Variants in ZNF831 observed in about 807,000 individuals in gnomAD.
ZNF831 encodes the protein chromosome 20 open reading frame 174.
ZNF831 carries 59 observed loss-of-function variants against 95.8 expected under a neutral mutation model. The ratio of observed to expected loss-of-function variants is 0.62; its 90% CI spans 0.50 to 0.77. The LOEUF (loss-of-function observed/expected upper bound fraction) is 0.77, where lower values mean the gene tolerates loss of function less well. ZNF831 is among the 30% of genes least tolerant of loss of function. ZNF831 has a pLI of 0.00. For synonymous variants in ZNF831, 961 were observed against 925.5 expected (o/e 1.04, Z -0.70); for missense variants, 2,205 against 2,164.0 (o/e 1.02, Z -0.38).
intron 1 of ZNF831, among the ~76,000 whole-genome samples, chr20:59,138,651 T>C (rs1226289776): frequency 6.6e-6 from 1 of 152,232 alleles, no homozygotes; most frequent in Admixed American, 6.5e-5. Context: ...ACACGTGCCA[T>C]TTCTGGGCAA....
At chr20:59,174,104 T>C (rs754766998) in intron 1 of ZNF831, among the ~76,000 whole-genome samples, 74 of 152,220 alleles carry the variant, frequency 4.9e-4, no homozygotes, top group Non-Finnish European at 9.4e-4. Context: ...GGCATGCATC[T>C]GGGAGCCTGG....
At chr20:59,172,535 C>T (rs545866056) in intron 1 of ZNF831, among the ~76,000 whole-genome samples, 2 of 152,212 alleles carry the variant, frequency 1.3e-5, no homozygotes, top group East Asian at 1.9e-4. Flanking sequence ...TGAGGCATGC[C>T]GCTGGGAGAG....
At chr20:59,164,978 G>A (rs1268097527) in intron 1 of ZNF831, among the ~76,000 whole-genome samples, 2 of 152,202 alleles carry the variant, frequency 1.3e-5, no homozygotes, top group Non-Finnish European at 2.9e-5. Flanking sequence ...ATCAACGTCA[G>A]GGCCAGTTTA....
rs191995530 is a variant in ZNF831, at chr20:59,207,705, A to T, written c.4027+649A>T. On this transcript the variant is annotated intron_variant, in intron 4 of 5. Coordinates refer to ENST00000371030, the MANE Select transcript of ZNF831 (RefSeq NM_178457.3). ...TCTTCCTTTCTCCCCTCTCCCCAGC[A>T]TTAAGGAGCTCAGCCTTAGCCTTGC... Among the ~76,000 whole-genome samples the T allele has an allele frequency of 4.6e-5, 7 of 152,290 alleles. No homozygotes were observed. The East Asian group carries it at 1.3e-3, about 29-fold the overall frequency.
At chr20:59,236,561 T>C (rs1411548406) in intron 4 of ZNF831, among the ~76,000 whole-genome samples, 3 of 135,010 alleles carry the variant, frequency 2.2e-5, no homozygotes, top group East Asian at 4.1e-4. Context: ...AGTTTTTTGC[T>C]TTTTTTTTTT....
chr20:59,218,432 C>A (rs1203552379), intron 4 of ZNF831, among the ~76,000 whole-genome samples: 2 of 152,112 alleles, frequency 1.3e-5, no homozygotes, highest in Non-Finnish European at 2.9e-5. Context: ...TTCAAATTGG[C>A]TTAGACAAAC....
At chr20:59,148,434 CA>C (rs1980003875) in intron 2 of ZNF831, among the ~76,000 whole-genome samples, 3 of 117,070 alleles carry the variant, frequency 2.6e-5, no homozygotes, top group Admixed American at 7.6e-5. Context: ...GTAATCCCAG[CA>C]CTTTGGGAGG....
chr20:59,221,464 C>T (rs185826411), intron 4 of ZNF831, among the ~76,000 whole-genome samples: 1 of 152,288 alleles, frequency 6.6e-6, no homozygotes, highest in East Asian at 1.9e-4. Flanking sequence ...TTCACACTGG[C>T]CCTCACCCCA....
At chr20:59,170,413 C>T (rs1981633186) in intron 1 of ZNF831, among the ~76,000 whole-genome samples, 1 of 152,130 alleles carries the variant, frequency 6.6e-6, no homozygotes, top group African/African-American at 2.4e-5. Flanking sequence ...GAACTGTGTG[C>T]CATTTTGTTT....
intron 2 of ZNF831, among the ~76,000 whole-genome samples, chr20:59,148,165 C>T (rs1415978960): frequency 1.3e-5 from 2 of 152,174 alleles, no homozygotes; most frequent in African/African-American, 2.4e-5. Flanking sequence ...GCATAGTCTT[C>T]GTTTAGTTCC....
At chr20:59,244,191 G>T (rs1987481991) in intron 4 of ZNF831, among the ~76,000 whole-genome samples, 1 of 151,174 alleles carries the variant, frequency 6.6e-6, no homozygotes, top group African/African-American at 2.4e-5. Context: ...AAAAAAAACA[G>T]ATTTAAAACT....
At chr20:59,244,043 C>A (rs1276497085) in intron 4 of ZNF831, among the ~76,000 whole-genome samples, 1 of 151,972 alleles carries the variant, frequency 6.6e-6, no homozygotes, top group African/African-American at 2.4e-5. Flanking sequence ...TTTTGACTTA[C>A]CAAAAGATTT....
intron 1 of ZNF831, among the ~76,000 whole-genome samples, chr20:59,180,127 A>C (rs978721341): frequency 2.0e-5 from 3 of 152,104 alleles, no homozygotes; most frequent in African/African-American, 7.2e-5. Flanking sequence ...TGTCACTCTC[A>C]CCCAGGCTGG....
At position 59,165,987 on chromosome 20, in the gene ZNF831, G is replaced by A. The variant is rs1601320338; in HGVS notation, c.-37+1780G>A. ...GGCTGGTCTCTAACGCTTGACCTCA[G>A]GTGATCTATCTGCCTCGGCCTCCCA... On this transcript the variant is annotated intron_variant, in intron 1 of 5. Transcript: ENST00000371030. 2.0e-5 allele frequency among the ~76,000 whole-genome samples: 3 copies of A among 152,022 alleles called. No individual in the cohort carries two copies. The South Asian group carries it at 6.2e-4, about 32-fold the overall frequency.
Position 59,164,053 on chromosome 20 carries a change from A to G in ZNF831, c.-191A>G, listed in dbSNP as rs1195674427. ...CTCAGCAAAGAGTAGCGAGCTCCCT[A>G]CAGAGAGTGAGAGCACGGGCTCTTG... is the stretch of plus-strand genomic sequence containing the variant. On this transcript the variant is annotated 5_prime_UTR_variant, in exon 1 of 6. Transcript: ENST00000371030. Among the ~76,000 whole-genome samples the G allele has an allele frequency of 2.0e-5, 3 of 152,114 alleles. No individual in the cohort carries two copies. Among genetic ancestry groups the G allele is most frequent in the African/African-American group, 7.2e-5 (3 of 41,422 alleles).
chr20:59,242,199 A>G (rs1020665296), intron 4 of ZNF831, among the ~76,000 whole-genome samples: 10 of 152,190 alleles, frequency 6.6e-5, no homozygotes, highest in African/African-American at 2.4e-4. Flanking sequence ...TGAAGGAGAG[A>G]AGGGGAGATC....
At position 59,192,051 on chromosome 20, in the gene ZNF831, G is replaced by A. The variant is rs1568752705; in HGVS notation, c.1032G>A (p.Ser344=). ...TGCGGAAGTGTGAGAGCACCGACTCGGGGTACCTGTCGCGCTCCGACAGCG... is the reference window on the plus strand; with the variant it reads ...TGCGGAAGTGTGAGAGCACCGACTCAGGGTACCTGTCGCGCTCCGACAGCG... ...GRLRKCESTD[S]GYLSRSDSAE... The change falls in exon 2 of 6, where the codon TCG becomes TCA. Residue 344 remains serine, a synonymous_variant. Coordinates refer to ENST00000371030, the MANE Select transcript of ZNF831 (RefSeq NM_178457.3). The surrounding 1 kb of genome is among the most constrained non-coding windows in gnomAD (Gnocchi z 5.2). 6.2e-7 allele frequency: 1 copy of A among 1,608,176 alleles called. No individual in the cohort carries two copies. The highest frequency in any genetic ancestry group is 8.5e-7 in the Non-Finnish European group (1 of 1,179,162).
upstream of ZNF831, chr20:59,160,488 G>C (rs1457027141): frequency 6.6e-6 from 1 of 152,440 alleles, no homozygotes; most frequent in South Asian, 2.1e-4. Context: ...CCCCAAGGCC[G>C]AGTTTCCTGC....
At position 59,171,389 on chromosome 20, in the gene ZNF831, GCA is replaced by G. The variant is rs1375052695; in HGVS notation, c.-37+7185_-37+7186del. Among the ~76,000 whole-genome samples, 10 of 152,290 alleles carry G rather than the reference GCA, an allele frequency of 6.6e-5. No individual in the cohort carries two copies. The South Asian group carries it at 1.9e-3, about 28-fold the overall frequency. The stretch of plus-strand genomic sequence containing the variant: ...CTGAGAGGCAATAAATTTCTATCTG[GCA>G]CAGTCTATCCCTTTGCCTGTGCAGC... On this transcript the variant is annotated intron_variant, in intron 1 of 5. Transcript: ENST00000371030.
Sources: gnomAD v4.1 joint callset for allele counts (sites outside exome capture counted in the v4.1 genomes callset) on GRCh38, gnomAD v4.1.1 for gene constraint, Gnocchi (gnomAD v3.1) non-coding constraint, MANE v1.5 for transcripts, NCBI Gene and HGNC (gene_info 2026-07-23, HGNC 2026-07-21) for gene names.